Variants in ZNF584 observed in about 807,000 individuals in gnomAD.
ZNF584 encodes the protein zinc finger protein 584.
ZNF584 carries 12 observed loss-of-function variants against 14.7 expected under a neutral mutation model. That is an observed-to-expected ratio of 0.82 (90% CI 0.52 to 1.32). The LOEUF (loss-of-function observed/expected upper bound fraction) is 1.32. Ranked by LOEUF, ZNF584 falls within the 40% of genes most tolerant of loss-of-function variation. The pLI is 0.00. For synonymous variants in ZNF584, 204 were observed against 190.9 expected, an observed-to-expected ratio of 1.07 and a Z score of -0.57; for missense variants, 478 against 518.8, an observed-to-expected ratio of 0.92 and a Z score of 0.76.
At chr19:58,412,225 C>T (rs2052584971) in intron 2 of ZNF584, among the ~76,000 whole-genome samples, 1 of 78,578 alleles carries the variant, frequency 1.3e-5, no homozygotes, top group Non-Finnish European at 2.0e-5. Flanking sequence ...TTTTTTGAGA[C>T]GGAGTCTCGC....
At chr19:58,406,594 AC>A (rs2052475845), upstream of ZNF584, 2 of 152,238 alleles carry the variant, frequency 1.3e-5, no homozygotes, top group South Asian at 4.1e-4. Context: ...TAACTCAGGT[AC>A]CAGGTGTGAG....
chr19:58,408,630 A>G (rs1380338645), upstream of ZNF584: 1 of 153,332 alleles, frequency 6.5e-6, no homozygotes, highest in African/African-American at 2.4e-5. Context: ...TTCAGGAGCT[A>G]GCGGCGCCCT....
At chr19:58,412,928 A>G (rs962378175) in intron 2 of ZNF584, among the ~76,000 whole-genome samples, 28 of 152,184 alleles carry the variant, frequency 1.8e-4, no homozygotes, top group Non-Finnish European at 4.4e-5. Flanking sequence ...AAGTTATCCA[A>G]TTTGTTGGCA....
chr19:58,416,077 T>C, intron 3 of ZNF584: 1 of 1,028,364 alleles, frequency 9.7e-7, no homozygotes, highest in Non-Finnish European at 1.4e-6. Flanking sequence ...GCTGAAACCC[T>C]TTGCAGAGGA....
upstream of ZNF584, chr19:58,406,759 T>C (rs2052476972): frequency 6.6e-6 from 1 of 152,316 alleles, no homozygotes; most frequent in Non-Finnish European, 1.5e-5. Context: ...TCATGAACTG[T>C]AAAGGGCAAT....
At position 58,409,212 on chromosome 19, in the gene ZNF584, G is replaced by C. The variant is rs756385729; in HGVS notation, c.18+47G>C. ...GGAATGAGGGGGCCCACCAGGTGGGGGGCGGCGTGTGCCAGGGCAGAGTTG... is the reference window on the plus strand; with the variant it reads ...GGAATGAGGGGGCCCACCAGGTGGGCGGCGGCGTGTGCCAGGGCAGAGTTG... On this transcript the variant is annotated intron_variant, in intron 1 of 3. Coordinates refer to ENST00000306910, the MANE Select transcript of ZNF584 (RefSeq NM_173548.3). The C allele has an allele frequency of 6.4e-6, 9 of 1,396,980 alleles. 1 individual carries two copies. The South Asian group carries it at 1.5e-4, about 23-fold the overall frequency. 86.5% of individuals were successfully genotyped at this position (1,396,980 alleles called of 1,614,324 possible).
Position 58,416,889 on chromosome 19 carries a change from C to T in ZNF584, c.371C>T (p.Thr124Ile). Reference protein sequence around the residue: ...KSYRVIQHQDTHSEGKPRRHT... With the variant: ...KSYRVIQHQDIHSEGKPRRHT... ...TACAGAGTCATCCAGCACCAGGACA[C>T]TCATAGTGAGGGGAAACCAAGAAGG... The change falls in exon 4 of 4, where the codon ACT (threonine) becomes ATT (isoleucine). Residue 124 changes from threonine (T) to isoleucine (I), a missense_variant. Thr to Ile is a moderately conservative substitution (Grantham distance 89, BLOSUM62 -1). This residue lies in a region of ZNF584 where 189 missense variants were observed against 177.9 expected (regional missense o/e 1.06). Coordinates refer to ENST00000306910, the MANE Select transcript of ZNF584 (RefSeq NM_173548.3). 1 of 1,610,722 alleles carries T rather than the reference C, an allele frequency of 6.2e-7. No individual in the cohort carries two copies. Among genetic ancestry groups the T allele is most frequent in the Non-Finnish European group, 8.5e-7 (1 of 1,178,244 alleles).
At chr19:58,415,770 T>G in intron 3 of ZNF584, 124 bp downstream of exon 3, 1 of 1,611,996 alleles carries the variant, frequency 6.2e-7, no homozygotes, top group Non-Finnish European at 8.5e-7. Context: ...CCACCTTTCC[T>G]GTCTTATGTG....
Position 58,417,251 on chromosome 19 carries a change from A to T in ZNF584, c.733A>T (p.Ser245Cys). The change falls in exon 4 of 4, where the codon AGT (serine) becomes TGT (cysteine). Residue 245 changes from serine to cysteine, a missense_variant. Transcript: ENST00000306910. ...VHTGIKPFKC[S>C]DCGKTFNRKD... Reference sequence around the variant, plus strand: ...CACAGGCATAAAACCTTTTAAGTGTAGTGACTGTGGTAAAACCTTCAACCG... The same window carrying T: ...CACAGGCATAAAACCTTTTAAGTGTTGTGACTGTGGTAAAACCTTCAACCG... The T allele has an allele frequency of 6.2e-7, 1 of 1,614,204 alleles. No homozygotes were observed. Among genetic ancestry groups the T allele is most frequent in the Non-Finnish European group, 8.5e-7 (1 of 1,180,046 alleles).
intron 2 of ZNF584, 24 bp downstream of exon 2, chr19:58,410,115 A>G (rs773806013): frequency 1.9e-6 from 3 of 1,581,448 alleles, no homozygotes; most frequent in Admixed American, 3.6e-5. Flanking sequence ...ACTGTCCCCC[A>G]GCACACTGAC....
At chr19:58,412,050 C>T (rs537454938) in intron 2 of ZNF584, among the ~76,000 whole-genome samples, 34 of 144,008 alleles carry the variant, frequency 2.4e-4, no homozygotes, top group African/African-American at 8.3e-4. Context: ...GGCATGATCT[C>T]GGCTCATTGC....
intron 1 of ZNF584, among the ~76,000 whole-genome samples, chr19:58,402,525 T>A (rs142777461): frequency 2.0e-3 from 302 of 152,360 alleles, no homozygotes; most frequent in African/African-American, 6.8e-3. Context: ...TTGCCCATTT[T>A]GAGTGTACAA....
Position 58,408,752 on chromosome 19 carries a change from G to C in ZNF584, c.-396G>C, listed in dbSNP as rs1456596265. 6 of 178,060 alleles carry C rather than the reference G, an allele frequency of 3.4e-5. No individual in the cohort carries two copies. The highest frequency in any genetic ancestry group is 1.5e-4 in the African/African-American group (6 of 40,722). The allele number at this position is 178,060 out of a possible 1,614,324, so 11.0% of individuals were successfully genotyped here. On this transcript the variant is annotated 5_prime_UTR_variant, in exon 1 of 4. Transcript: ENST00000306910. ...GGCGCGGGCCACGGGAGTTCCGGGAGTTCCGGCGTTGCCCGGCAGTCCGCA... is the reference window on the plus strand; with the variant it reads ...GGCGCGGGCCACGGGAGTTCCGGGACTTCCGGCGTTGCCCGGCAGTCCGCA...
In ZNF584 at chr19:58,410,543, A is replaced by T. The variant is rs1015765114; in HGVS notation, c.169+452A>T. ...AATATATATATATATATATATATATATATATATATATATATGTGTATATAT... is the reference window on the plus strand; with the variant it reads ...AATATATATATATATATATATATATTTATATATATATATATGTGTATATAT... On this transcript the variant is annotated intron_variant, in intron 2 of 3. Coordinates refer to ENST00000306910, the MANE Select transcript of ZNF584 (RefSeq NM_173548.3). Among the ~76,000 whole-genome samples, 183 of 22,996 alleles carry T rather than the reference A, an allele frequency of 8.0e-3. 2 individuals are homozygous for T. The highest frequency in any genetic ancestry group is 0.012 in the Non-Finnish European group (138 of 11,848). 15.1% of individuals were successfully genotyped at this position (22,996 alleles called of 152,430 possible).
At chr19:58,403,615 A>G (rs1196586214) in intron 1 of ZNF584, among the ~76,000 whole-genome samples, 2 of 152,190 alleles carry the variant, frequency 1.3e-5, no homozygotes, top group Admixed American at 6.5e-5. Context: ...ACATGAATTT[A>G]TGCATTTGTG....
intron 2 of ZNF584, 61 bp downstream of exon 2, chr19:58,410,152 T>G: frequency 6.5e-7 from 1 of 1,542,436 alleles, no homozygotes; most frequent in Non-Finnish European, 8.7e-7. Context: ...CCATGCGAAG[T>G]TCTGTCCATA....
At chr19:58,416,052 A>C (rs1299903750) in intron 3 of ZNF584, 1 of 1,317,774 alleles carries the variant, frequency 7.6e-7, no homozygotes, top group Non-Finnish European at 1.0e-6. Flanking sequence ...GGCTGTCACC[A>C]GCAGCCAAGG....
chr19:58,411,544 G>T (rs2052572591), intron 2 of ZNF584, among the ~76,000 whole-genome samples: 1 of 150,094 alleles, frequency 6.7e-6, no homozygotes, highest in Non-Finnish European at 1.5e-5. Context: ...AAAAAGAAAA[G>T]AAAGGTCACT....
At chr19:58,404,242 C>CTT (rs58552279), upstream of ZNF584, 19 of 142,958 alleles carry the variant, frequency 1.3e-4, no homozygotes, top group South Asian at 2.2e-4. Context: ...TTTTTTTTTT[C>CTT]TTTTTTTTTT....
Sources: gnomAD v4.1 joint callset for allele counts (sites outside exome capture counted in the v4.1 genomes callset) on GRCh38, gnomAD v4.1.1 for gene constraint, gnomAD v4.1.1 regional missense constraint, MANE v1.5 for transcripts, NCBI Gene and HGNC (gene_info 2026-07-23, HGNC 2026-07-21) for gene names.